Variants in TTC6 observed in about 807,000 individuals in gnomAD.
TTC6 encodes tetratricopeptide repeat domain 6.
Under a neutral mutation model 210.4 loss-of-function variants are expected in TTC6, and 172 were observed. The ratio of observed to expected loss-of-function variants is 0.82; its 90% CI spans 0.72 to 0.93. The LOEUF (loss-of-function observed/expected upper bound fraction) is 0.93, where lower values mean the gene tolerates loss of function less well. TTC6 is among the 40% of genes least tolerant of loss of function. TTC6 has a pLI of 0.00. For missense variants in TTC6, 2,414 were observed against 2,318.1 expected (o/e 1.04, Z -0.85); for synonymous variants, 804 against 819.6 (o/e 0.98, Z 0.32).
chr14:37,657,212 C>CA (rs61052302), intron 1 of TTC6, among the ~76,000 whole-genome samples: 2,197 of 35,630 alleles, frequency 0.062, 515 homozygotes, highest in Non-Finnish European at 0.075. Flanking sequence ...AACTCTGTCT[C>CA]AAAAAAAAAA....
At chr14:37,608,666 A>G (rs2095629367) in intron 2 of TTC6, among the ~76,000 whole-genome samples, 1 of 152,218 alleles carries the variant, frequency 6.6e-6, no homozygotes, top group Non-Finnish European at 1.5e-5. Flanking sequence ...TGTGCGCAAT[A>G]TGAAGTAAAG....
intron 1 of TTC6, among the ~76,000 whole-genome samples, chr14:37,658,800 T>C (rs2095730503): frequency 6.6e-6 from 1 of 152,138 alleles, no homozygotes; most frequent in African/African-American, 2.4e-5. Flanking sequence ...GGTTCAGGGG[T>C]GCGTATGCAG....
intron 29 of TTC6, among the ~76,000 whole-genome samples, chr14:37,835,290 A>T (rs1253189018): frequency 6.6e-6 from 1 of 151,940 alleles, no homozygotes; most frequent in Non-Finnish European, 1.5e-5. Context: ...TTTCCTGGTG[A>T]TTTTTTTAAT....
At chr14:37,775,146 G>A (rs939352370) in intron 14 of TTC6, among the ~76,000 whole-genome samples, 1 of 152,070 alleles carries the variant, frequency 6.6e-6, no homozygotes. Flanking sequence ...CTAGTTAGTG[G>A]TCTATCTATC....
chr14:37,643,898 G>T (rs946169511), intron 1 of TTC6, among the ~76,000 whole-genome samples: 19 of 152,150 alleles, frequency 1.2e-4, no homozygotes, highest in African/African-American at 4.6e-4. Context: ...CTGCCTAGTT[G>T]TATAGTCTTT....
chr14:37,682,613 T>C, intron 2 of TTC6, 145 bp from the exon 5 acceptor site: 1 of 696,070 alleles, frequency 1.4e-6, no homozygotes, highest in East Asian at 2.7e-5. Context: ...TCTTTCTAAA[T>C]CTTCAGAGGA....
rs184928836 is a variant in TTC6, at chr14:37,707,701, T to G, written c.1571+6175T>G. 4.1e-4 allele frequency among the ~76,000 whole-genome samples: 63 copies of G among 152,276 alleles called. 1 individual carries two copies. In the East Asian group the frequency reaches 0.012, roughly 29 times the overall value. On this transcript the variant is annotated intron_variant, in intron 5 of 30. Transcript: ENST00000553443. Reference sequence around the variant, plus strand: ...GATGTTCTTCCTGTCACTTTTTGAATGCTATATTTCATTTTTGTAGTTTGG... The same window carrying G: ...GATGTTCTTCCTGTCACTTTTTGAAGGCTATATTTCATTTTTGTAGTTTGG...
chr14:37,716,745 C>A (rs987305487), intron 6 of TTC6, among the ~76,000 whole-genome samples: 2 of 152,078 alleles, frequency 1.3e-5, no homozygotes, highest in Non-Finnish European at 1.5e-5. Context: ...GAGAGTTCAG[C>A]ATTTCTCTCT....
chr14:37,700,823 A>G (rs1215631230), intron 4 of TTC6, among the ~76,000 whole-genome samples: 1 of 151,506 alleles, frequency 6.6e-6, no homozygotes, highest in Non-Finnish European at 1.5e-5. Flanking sequence ...GAAGAGAGAT[A>G]CAAGTCCAAG....
chr14:37,733,112 T>C (rs2095892300), intron 7 of TTC6, among the ~76,000 whole-genome samples: 2 of 152,200 alleles, frequency 1.3e-5, no homozygotes, highest in Non-Finnish European at 2.9e-5. Context: ...ATCTTTAACT[T>C]ATTGATATCT....
chr14:37,753,795 T>G (rs1477592625), intron 14 of TTC6, among the ~76,000 whole-genome samples: 1 of 151,854 alleles, frequency 6.6e-6, no homozygotes, highest in Non-Finnish European at 1.5e-5. Flanking sequence ...GCCTAGGTTG[T>G]TTTTGAACTC....
chr14:37,814,989 C>A (rs2096138121), intron 25 of TTC6, among the ~76,000 whole-genome samples: 1 of 152,090 alleles, frequency 6.6e-6, no homozygotes, highest in East Asian at 1.9e-4. Context: ...TTTGACTGGG[C>A]TTGTTTGTGA....
exon 15 of TTC6, chr14:37,787,582 T>A (rs1356715468): frequency 2.0e-6 from 3 of 1,522,804 alleles, no homozygotes; most frequent in Admixed American, 3.9e-5. Context: ...ATTATCGAGG[T>A]TGCTTATTCA....
chr14:37,797,444 A>T (rs904632504), intron 20 of TTC6, among the ~76,000 whole-genome samples: 3 of 151,988 alleles, frequency 2.0e-5, no homozygotes. Flanking sequence ...TATGTTTATC[A>T]GCCACTCATA....
Position 37,828,166 on chromosome 14 carries a change from G to A in TTC6, c.5298+800G>A, listed in dbSNP as rs544328464. 2.0e-5 allele frequency among the ~76,000 whole-genome samples: 3 copies of A among 152,114 alleles called. No homozygotes were observed. In the South Asian group the frequency reaches 6.2e-4, roughly 32 times the overall value. ...ATCTCTTTGGACTTCAATTCATAATGTCTGAAACAAAAATGTTGGGTCATT... is the reference window on the plus strand; with the variant it reads ...ATCTCTTTGGACTTCAATTCATAATATCTGAAACAAAAATGTTGGGTCATT... On this transcript the variant is annotated intron_variant, in intron 29 of 30. Transcript: ENST00000553443.
At chr14:37,824,947 C>A (rs2096167242) in intron 27 of TTC6, among the ~76,000 whole-genome samples, 1 of 152,002 alleles carries the variant, frequency 6.6e-6, no homozygotes, top group African/African-American at 2.4e-5. Flanking sequence ...ATGTGAATTG[C>A]ATTAATAGGA....
chr14:37,779,844 A>G (rs531675600), intron 14 of TTC6, among the ~76,000 whole-genome samples: 3 of 152,222 alleles, frequency 2.0e-5, no homozygotes, highest in Non-Finnish European at 4.4e-5. Context: ...AGGGGGCCTC[A>G]TATGCCATTT....
chr14:37,683,628 A>G (rs1209737502), intron 3 of TTC6, among the ~76,000 whole-genome samples: 1 of 152,108 alleles, frequency 6.6e-6, no homozygotes, highest in Non-Finnish European at 1.5e-5. Context: ...CTATTGTATT[A>G]TTAGTTATGG....
chr14:37,725,551 T>C (rs2095871482), intron 7 of TTC6, among the ~76,000 whole-genome samples: 2 of 151,462 alleles, frequency 1.3e-5, no homozygotes, highest in Non-Finnish European at 2.9e-5. Context: ...GGTTTCTCCA[T>C]GTTGGTGAGG....
Sources: allele counts gnomAD v4.1 joint callset (sites outside exome capture counted in the v4.1 genomes callset), GRCh38; gene constraint gnomAD v4.1.1; transcripts MANE v1.5; gene names NCBI Gene and HGNC (gene_info 2026-07-23, HGNC 2026-07-21).